The following NPAS3 variants were observed in gnomAD, a reference collection of about 807,000 sequenced individuals.
NPAS3 encodes neuronal PAS domain-containing protein 3.
In NPAS3, 14 loss-of-function variants were observed where a neutral mutation model predicts 73.1. The ratio of observed to expected loss-of-function variants is 0.19; its 90% CI spans 0.13 to 0.30. The LOEUF is 0.30. Among genes scored for constraint, NPAS3 ranks in the 10% least tolerant of loss-of-function variants. The pLI, the probability that NPAS3 is intolerant of heterozygous loss-of-function variation, is 1.00. For missense variants in NPAS3, 1,096 were observed against 1,250.0 expected (o/e 0.88, Z 1.86); for synonymous variants, 620 against 541.5 (o/e 1.14, Z -2.01).
At chr14:33,581,825 C>T (rs1437210750) in intron 5 of NPAS3, among the ~76,000 whole-genome samples, 1 of 152,224 alleles carries the variant, frequency 6.6e-6, no homozygotes, top group Non-Finnish European at 1.5e-5. Flanking sequence ...CCACCTGCCT[C>T]AGCCTTCCAA....
intron 2 of NPAS3, among the ~76,000 whole-genome samples, chr14:33,183,869 A>G (rs2045892061): frequency 6.6e-6 from 1 of 152,140 alleles, no homozygotes; most frequent in African/African-American, 2.4e-5. Context: ...CATGTGCCCC[A>G]TAAATTGCCA....
intron 3 of NPAS3, among the ~76,000 whole-genome samples, chr14:33,314,674 A>G (rs1044661729): frequency 6.6e-6 from 1 of 152,070 alleles, no homozygotes; most frequent in African/African-American, 2.4e-5. Flanking sequence ...TATTAAAAAC[A>G]TATTGAATGG....
intron 7 of NPAS3, among the ~76,000 whole-genome samples, chr14:33,745,448 G>A (rs2061763610): frequency 6.6e-6 from 1 of 152,114 alleles, no homozygotes; most frequent in Non-Finnish European, 1.5e-5. Flanking sequence ...ACTTCTTTAA[G>A]CATCTGGATT....
chr14:33,085,361 G>T (rs1046128189), intron 2 of NPAS3, among the ~76,000 whole-genome samples: 12 of 152,150 alleles, frequency 7.9e-5, no homozygotes. Context: ...AGGAGAAAAT[G>T]GCGTAATTAT....
chr14:33,175,567 T>C (rs548483074), intron 2 of NPAS3, among the ~76,000 whole-genome samples: 2 of 152,310 alleles, frequency 1.3e-5, no homozygotes, highest in African/African-American at 4.8e-5. Context: ...AACAAGCAAT[T>C]AACTTTTTGG....
chr14:33,197,269 T>TGTGTGTG (rs1300549499), intron 2 of NPAS3, among the ~76,000 whole-genome samples: 2 of 20,800 alleles, frequency 9.6e-5, no homozygotes, highest in African/African-American at 3.0e-4. Flanking sequence ...GTGTGTGTGT[T>TGTGTGTG]CTTTTTCAAT....
intron 1 of NPAS3, among the ~76,000 whole-genome samples, chr14:33,046,276 A>G (rs1005410619): frequency 6.6e-6 from 1 of 152,170 alleles, no homozygotes; most frequent in Non-Finnish European, 1.5e-5. Context: ...AAGGGTAGGT[A>G]TGAAAAAATG....
intron 2 of NPAS3, among the ~76,000 whole-genome samples, chr14:33,085,791 CT>C (rs1166552252): frequency 7.2e-5 from 11 of 152,062 alleles, no homozygotes; most frequent in African/African-American, 2.7e-4. Flanking sequence ...AATTCATTAT[CT>C]TTTATTTTAG....
At chr14:33,485,230 A>C (rs1156909389) in intron 4 of NPAS3, among the ~76,000 whole-genome samples, 1 of 152,186 alleles carries the variant, frequency 6.6e-6, no homozygotes, top group African/African-American at 2.4e-5. Flanking sequence ...GCCGCATCCC[A>C]AATTATCACC....
chr14:33,233,572 A>G (rs1364315643), intron 3 of NPAS3, among the ~76,000 whole-genome samples: 1 of 152,196 alleles, frequency 6.6e-6, no homozygotes, highest in Non-Finnish European at 1.5e-5. Flanking sequence ...TCAATCATTC[A>G]TTTAATCAAG....
chr14:33,233,306 T>C (rs1298756754), intron 3 of NPAS3, among the ~76,000 whole-genome samples: 1 of 152,130 alleles, frequency 6.6e-6, no homozygotes, highest in Non-Finnish European at 1.5e-5. Context: ...GCCTTTAGCA[T>C]AGCTATAGAC....
At chr14:33,568,375 A>G (rs2056064720) in intron 5 of NPAS3, among the ~76,000 whole-genome samples, 1 of 152,204 alleles carries the variant, frequency 6.6e-6, no homozygotes, top group African/African-American at 2.4e-5. Flanking sequence ...TCTTTGCCTG[A>G]CAAGCAGTAT....
intron 2 of NPAS3, among the ~76,000 whole-genome samples, chr14:33,177,082 T>TATC (rs1363281416): frequency 2.1e-5 from 3 of 141,370 alleles, no homozygotes; most frequent in Non-Finnish European, 4.5e-5. Context: ...TTATTATTAT[T>TATC]ATTATTATTA....
chr14:33,011,291 A>G (rs57240088), intron 1 of NPAS3, among the ~76,000 whole-genome samples: 8,848 of 152,290 alleles, frequency 0.058, 453 homozygotes, highest in East Asian at 0.22. Flanking sequence ...ATTCAGGGTT[A>G]TGAGTGGCCA....
chr14:33,037,690 A>G (rs1440342938), intron 1 of NPAS3, among the ~76,000 whole-genome samples: 4 of 152,092 alleles, frequency 2.6e-5, no homozygotes, highest in African/African-American at 9.7e-5. Context: ...AAGATTCTCA[A>G]ATAAATACAT....
At chr14:33,624,375 TA>T (rs2058164431) in intron 5 of NPAS3, among the ~76,000 whole-genome samples, 1 of 152,226 alleles carries the variant, frequency 6.6e-6, no homozygotes, top group African/African-American at 2.4e-5. Context: ...CACAGGTTCC[TA>T]ACCGGGTCTC....
Position 33,667,133 on chromosome 14 carries a change from CTTTAT to C in NPAS3, c.559-9077_559-9073del, listed in dbSNP as rs200879622. Among the ~76,000 whole-genome samples, 1,115 of 152,236 alleles carry C rather than the reference CTTTAT, an allele frequency of 7.3e-3. 23 individuals carry two copies. Among genetic ancestry groups the C allele is most frequent in the African/African-American group, 0.026 (1,070 of 41,566 alleles). On this transcript the variant is annotated intron_variant, in intron 5 of 11. Coordinates refer to ENST00000356141, the Ensembl canonical transcript of NPAS3. The stretch of plus-strand genomic sequence containing the variant: ...AAAACATGACAGTTTGCATTCTTTT[CTTTAT>C]ATTTTTGTACAAAGTATTTAAAACC...
At chr14:32,958,958 T>C (rs550932324) in intron 1 of NPAS3, among the ~76,000 whole-genome samples, 5 of 151,840 alleles carry the variant, frequency 3.3e-5, no homozygotes, top group South Asian at 2.1e-4. Context: ...CTGGGCCACA[T>C]TGAAAGAAGA....
At position 33,075,039 on chromosome 14, in the gene NPAS3, T is replaced by C. The variant is rs541273018; in HGVS notation, c.140+19045T>C. Among the ~76,000 whole-genome samples the C allele has an allele frequency of 1.4e-4, 22 of 152,338 alleles. No individual in the cohort carries two copies. In the East Asian group the frequency reaches 4.1e-3, roughly 28 times the overall value. ...TAAGCTCTTCTTGAAAGGTGTTCCATTGTATAGAAAGTAGATTTTTATCTT... is the reference window on the plus strand; with the variant it reads ...TAAGCTCTTCTTGAAAGGTGTTCCACTGTATAGAAAGTAGATTTTTATCTT... On this transcript the variant is annotated intron_variant, in intron 2 of 11. Transcript: ENST00000356141.
Sources: gnomAD v4.1 joint callset for allele counts (sites outside exome capture counted in the v4.1 genomes callset) on GRCh38, gnomAD v4.1.1 for gene constraint, MANE v1.5 for transcripts, NCBI Gene and HGNC (gene_info 2026-07-23, HGNC 2026-07-21) for gene names.